Variants in PDGFRA observed in about 807,000 individuals in gnomAD.
PDGFRA encodes the protein platelet derived growth factor receptor alpha, also known as platelet-derived growth factor receptor alpha.
Under a neutral mutation model 121.5 loss-of-function variants are expected in PDGFRA, and 25 were observed. That is an observed-to-expected ratio of 0.21 (90% confidence interval 0.15 to 0.29). The LOEUF (loss-of-function observed/expected upper bound fraction) is 0.29, where lower values mean the gene tolerates loss of function less well. Ranked by LOEUF, PDGFRA falls within the 10% of genes least tolerant of loss-of-function variation. The pLI is 1.00. For synonymous variants in PDGFRA, 463 were observed against 494.8 expected (o/e 0.94, Z 0.85); for missense variants, 1,008 against 1,345.1 (o/e 0.75, Z 3.92).
intron 12 of PDGFRA, among the ~76,000 whole-genome samples, chr4:54,275,402 G>A (rs767761827): frequency 6.6e-5 from 10 of 152,148 alleles, no homozygotes; most frequent in Non-Finnish European, 1.2e-4. Flanking sequence ...TTGGAATATG[G>A]AATATAAAAA....
chr4:54,267,231 G>C (rs1723074424), intron 5 of PDGFRA, 58 bp from the exon 6 acceptor site: 1 of 1,496,328 alleles, frequency 6.7e-7, no homozygotes, highest in Admixed American at 1.7e-5. Context: ...GTTTATCTTA[G>C]AGTTCACTCC....
intron 8 of PDGFRA, among the ~76,000 whole-genome samples, chr4:54,271,985 T>G (rs867181562): frequency 7.4e-4 from 1 of 1,358 alleles, no homozygotes. Context: ...CCCCTCCCCC[T>G]CCCCTCCCCC....
intron 1 of PDGFRA, among the ~76,000 whole-genome samples, chr4:54,255,591 C>T (rs1370770252): frequency 6.6e-6 from 1 of 151,460 alleles, no homozygotes; most frequent in Non-Finnish European, 1.5e-5. Context: ...CTGCAAGCTC[C>T]ACCTCCTGGG....
rs1553904882 is a variant in PDGFRA, at chr4:54,277,930, G to A, written c.1926G>A (p.Met642Ile). The change falls in exon 14 of 23, where the codon ATG (methionine) becomes ATA (isoleucine). Residue 642 changes from methionine (M) to isoleucine (I), a missense_variant. Met to Ile is a conservative substitution (Grantham distance 10). Coordinates refer to ENST00000257290, the MANE Select transcript of PDGFRA (RefSeq NM_006206.6). ...TARSSEKQAL[M>I]SELKIMTHLG... ...GATCCAGTGAAAAACAAGCTCTCATGTCTGAACTGAAGATAATGACTCACC... is the reference window on the plus strand; with the variant it reads ...GATCCAGTGAAAAACAAGCTCTCATATCTGAACTGAAGATAATGACTCACC... The A allele has an allele frequency of 1.9e-6, 3 of 1,613,802 alleles. No individual in the cohort carries two copies. Among genetic ancestry groups the A allele is most frequent in the Non-Finnish European group, 2.5e-6 (3 of 1,179,722 alleles).
chr4:54,281,448 A>G (rs1724072174), intron 16 of PDGFRA: 2 of 442,552 alleles, frequency 4.5e-6, no homozygotes, highest in East Asian at 5.1e-5. Context: ...TGCGGTTCCA[A>G]GTTCCATTCA....
intron 12 of PDGFRA, chr4:54,276,834 A>G (rs1414782256): frequency 1.9e-5 from 3 of 161,596 alleles, no homozygotes; most frequent in Non-Finnish European, 2.7e-5. Flanking sequence ...TCCTCCCAAC[A>G]TGAAGCTAAT....
chr4:54,279,903 TAC>T lies in PDGFRA; in HGVS notation c.2157-411_2157-410del, dbSNP rs1553905232. On this transcript the variant is annotated intron_variant, in intron 15 of 22. Coordinates refer to ENST00000257290, the MANE Select transcript of PDGFRA (RefSeq NM_006206.6). The stretch of plus-strand genomic sequence containing the variant: ...AATTCATTCCTTTTTATAGCTGAGT[TAC>T]ATATATATATATATATATGCACACC... Among the ~76,000 whole-genome samples, 506 of 79,750 alleles carry T rather than the reference TAC, an allele frequency of 6.3e-3. 1 individual carries two copies. Among genetic ancestry groups the T allele is most frequent in the Middle Eastern group, 0.02 (4 of 202 alleles). 52.3% of individuals were successfully genotyped at this position (79,750 alleles called of 152,430 possible). A position where few individuals can be genotyped will look rare whatever the true frequency, so the allele number is the denominator to read the frequency against.
intron 1 of PDGFRA, among the ~76,000 whole-genome samples, chr4:54,245,529 C>G (rs1258496626): frequency 6.6e-6 from 1 of 152,170 alleles, no homozygotes; most frequent in African/African-American, 2.4e-5. Context: ...ATTCTGTCAC[C>G]ACCAGGCCTG....
At chr4:54,244,263 C>T (rs1380767776) in intron 1 of PDGFRA, among the ~76,000 whole-genome samples, 1 of 152,220 alleles carries the variant, frequency 6.6e-6, no homozygotes, top group East Asian at 1.9e-4. Flanking sequence ...AGACTGCCTC[C>T]TCAAGTGGGT....
intron 2 of PDGFRA, among the ~76,000 whole-genome samples, chr4:54,260,402 T>TG (rs1722625466): frequency 3.1e-5 from 3 of 98,224 alleles, no homozygotes; most frequent in African/African-American, 1.3e-4. Flanking sequence ...TGTGGGTTTT[T>TG]TTTTTTTTTT....
At chr4:54,236,728 G>A (rs561869632) in intron 1 of PDGFRA, among the ~76,000 whole-genome samples, 80 of 152,080 alleles carry the variant, frequency 5.3e-4, no homozygotes, top group Admixed American at 1.0e-3. Context: ...GCTTGAACTT[G>A]GGAGGCAGAG....
rs1485531937 is a variant in PDGFRA, at chr4:54,263,943, C to G, written c.628+16C>G. 1 of 1,611,552 alleles carries G rather than the reference C, an allele frequency of 6.2e-7. No individual in the cohort carries two copies. The highest frequency in any genetic ancestry group is 1.7e-5 in the Admixed American group (1 of 59,926). On this transcript the variant is annotated intron_variant, in intron 4 of 22. Transcript: ENST00000257290. Reference sequence around the variant, plus strand: ...GCTTTAAAAGGTACTTGTATCATCTCCTTCCTTCTTTAAATAAGAGTAACA... The same window carrying G: ...GCTTTAAAAGGTACTTGTATCATCTGCTTCCTTCTTTAAATAAGAGTAACA...
chr4:54,289,870 G>A (rs972281937), intron 21 of PDGFRA, among the ~76,000 whole-genome samples: 3 of 152,200 alleles, frequency 2.0e-5, no homozygotes, highest in African/African-American at 7.2e-5. Context: ...GAAATGTGTT[G>A]GTGGGAAGAG....
chr4:54,247,094 A>C (rs1223448037), intron 1 of PDGFRA, among the ~76,000 whole-genome samples: 1 of 152,174 alleles, frequency 6.6e-6, no homozygotes, highest in Non-Finnish European at 1.5e-5. Context: ...ACCAACCAAA[A>C]AGAGTCCAGG....
intron 14 of PDGFRA, 47 bp downstream of exon 14, chr4:54,278,053 T>C: frequency 8.9e-7 from 1 of 1,120,060 alleles, no homozygotes; most frequent in African/African-American, 1.5e-5. Flanking sequence ...ACACATGTGG[T>C]TGTGAAAACT....
At chr4:54,235,427 C>G (rs1175697357) in intron 1 of PDGFRA, among the ~76,000 whole-genome samples, 1 of 152,274 alleles carries the variant, frequency 6.6e-6, no homozygotes, top group Admixed American at 6.5e-5. Context: ...TTTACACTAC[C>G]TTTGCACATT....
At chr4:54,257,046 C>A (rs1277848248) in intron 1 of PDGFRA, among the ~76,000 whole-genome samples, 1 of 152,024 alleles carries the variant, frequency 6.6e-6, no homozygotes, top group East Asian at 1.9e-4. Context: ...AATTAAAAAA[C>A]CCCAAAAACC....
chr4:54,273,129 C>T (rs753231032), intron 9 of PDGFRA, among the ~76,000 whole-genome samples: 1 of 152,128 alleles, frequency 6.6e-6, no homozygotes, highest in Non-Finnish European at 1.5e-5. Context: ...ATCATCGCAA[C>T]CCTAGTGACA....
chr4:54,287,377 G>C (rs965209212), intron 18 of PDGFRA, 53 bp from the exon 19 acceptor site: 1 of 800,662 alleles, frequency 1.2e-6, no homozygotes, highest in Non-Finnish European at 2.3e-6. Context: ...TTCCACTGCT[G>C]TGGATCATCA....
Sources: allele counts gnomAD v4.1 joint callset (sites outside exome capture counted in the v4.1 genomes callset), GRCh38; gene constraint gnomAD v4.1.1; transcripts MANE v1.5; gene names NCBI Gene and HGNC (gene_info 2026-07-23, HGNC 2026-07-21).